PTPRD: variants seen among roughly 807,000 people sequenced by gnomAD.
PTPRD encodes the protein receptor-type tyrosine-protein phosphatase delta.
Under a neutral mutation model 214.5 loss-of-function variants are expected in PTPRD, and 34 were observed. The observed-to-expected ratio is 0.16, with a 90% CI of 0.12 to 0.21. The LOEUF is 0.21. Among genes scored for constraint, PTPRD ranks in the 10% least tolerant of loss-of-function variants. PTPRD has a pLI of 1.00. For missense variants in PTPRD, 2,545 were observed against 2,398.7 expected, an observed-to-expected ratio of 1.06 and a Z score of -1.27; for synonymous variants, 1,128 against 845.7, an observed-to-expected ratio of 1.33 and a Z score of -5.79.
chr9:10,559,337 C>T (rs1280807517), intron 2 of PTPRD, among the ~76,000 whole-genome samples: 4 of 152,062 alleles, frequency 2.6e-5, no homozygotes, highest in African/African-American at 4.8e-5. Context: ...TATCCATTAA[C>T]CAAATGTGAT....
At chr9:8,371,381 G>A (rs897308169) in intron 39 of PTPRD, among the ~76,000 whole-genome samples, 2 of 151,976 alleles carry the variant, frequency 1.3e-5, no homozygotes, top group Non-Finnish European at 2.9e-5. Flanking sequence ...GTAAGAGCTG[G>A]GGGTAAAAAT....
chr9:8,881,705 T>A (rs2098447697), intron 11 of PTPRD, among the ~76,000 whole-genome samples: 9 of 152,140 alleles, frequency 5.9e-5, no homozygotes, highest in Admixed American at 5.9e-4. Context: ...GACCTGCATT[T>A]TAAGGACAAA....
intron 8 of PTPRD, among the ~76,000 whole-genome samples, chr9:9,571,020 G>C (rs559944199): frequency 1.3e-5 from 2 of 151,430 alleles, no homozygotes; most frequent in Non-Finnish European, 3.0e-5. Flanking sequence ...GTTACATTAT[G>C]AGTTACTCTT....
At chr9:9,722,332 T>A (rs1411702724) in intron 7 of PTPRD, among the ~76,000 whole-genome samples, 1 of 152,112 alleles carries the variant, frequency 6.6e-6, no homozygotes, top group Non-Finnish European at 1.5e-5. Context: ...TGTGGTCTAT[T>A]GTAACTGGCT....
intron 2 of PTPRD, among the ~76,000 whole-genome samples, chr9:10,511,919 TATATATATATAC>T (rs2048215586): frequency 1.8e-5 from 1 of 56,376 alleles, no homozygotes; most frequent in South Asian, 5.9e-4. Flanking sequence ...TATATACGTG[TATATATATATAC>T]GTGTATATAT....
At chr9:9,872,198 A>G (rs1012434974) in intron 5 of PTPRD, among the ~76,000 whole-genome samples, 1 of 152,158 alleles carries the variant, frequency 6.6e-6, no homozygotes, top group Non-Finnish European at 1.5e-5. Context: ...AACTTAGCAT[A>G]ATGATTAAAA....
chr9:10,242,744 A>C (rs113574000), intron 3 of PTPRD, among the ~76,000 whole-genome samples: 2 of 149,158 alleles, frequency 1.3e-5, no homozygotes, highest in Non-Finnish European at 3.0e-5. Context: ...TTTTATTTTT[A>C]TTTTTCTTTC....
At chr9:9,797,135 CA>C (rs1356834017) in intron 5 of PTPRD, among the ~76,000 whole-genome samples, 3 of 149,884 alleles carry the variant, frequency 2.0e-5, no homozygotes, top group African/African-American at 7.4e-5. Flanking sequence ...GAGAGTGTTA[CA>C]AAGTATTTGG....
chr9:8,898,593 G>C (rs1399748651), intron 11 of PTPRD, among the ~76,000 whole-genome samples: 4 of 152,050 alleles, frequency 2.6e-5, no homozygotes, highest in African/African-American at 9.7e-5. Context: ...AAAATACAGA[G>C]GTTGAGTGAG....
chr9:8,836,447 C>A (rs1003670948), intron 11 of PTPRD, among the ~76,000 whole-genome samples: 4 of 152,064 alleles, frequency 2.6e-5, no homozygotes, highest in Admixed American at 2.6e-4. Context: ...AGGACATCTA[C>A]TCGACAACTG....
At chr9:8,583,227 T>C (rs1442635973) in intron 14 of PTPRD, among the ~76,000 whole-genome samples, 1 of 152,326 alleles carries the variant, frequency 6.6e-6, no homozygotes, top group Non-Finnish European at 1.5e-5. Flanking sequence ...CAGGCCATAA[T>C]GATCTCTTGT....
chr9:9,155,340 C>T (rs1287403047), intron 10 of PTPRD, among the ~76,000 whole-genome samples: 4 of 152,166 alleles, frequency 2.6e-5, no homozygotes, highest in Middle Eastern at 3.4e-3. Flanking sequence ...ACAAACAAGG[C>T]TATCTTAATA....
At chr9:9,564,405 T>C (rs1591686871) in intron 8 of PTPRD, among the ~76,000 whole-genome samples, 1 of 152,078 alleles carries the variant, frequency 6.6e-6, no homozygotes, top group East Asian at 1.9e-4. Context: ...CATAACAGAG[T>C]TGGCATGAGG....
At chr9:9,962,348 A>C (rs891916158) in intron 4 of PTPRD, among the ~76,000 whole-genome samples, 2 of 152,126 alleles carry the variant, frequency 1.3e-5, no homozygotes. Context: ...AGGAAGCTAA[A>C]GGCAGTAGTT....
chr9:9,998,127 A>ATATATATATATAT (rs1231969776), intron 4 of PTPRD, among the ~76,000 whole-genome samples: 122 of 55,160 alleles, frequency 2.2e-3, no homozygotes, highest in Admixed American at 4.0e-3. Flanking sequence ...AAAAAAAAAA[A>ATATATATATATAT]AAATATATAT....
At chr9:10,421,312 T>A (rs984337721) in intron 2 of PTPRD, among the ~76,000 whole-genome samples, 1 of 151,780 alleles carries the variant, frequency 6.6e-6, no homozygotes, top group African/African-American at 2.4e-5. Context: ...CCCCCACACA[T>A]ACACACACTC....
At chr9:10,540,000 C>A (rs1006369165) in intron 2 of PTPRD, among the ~76,000 whole-genome samples, 1 of 152,104 alleles carries the variant, frequency 6.6e-6, no homozygotes, top group Non-Finnish European at 1.5e-5. Context: ...ACTAAATCAA[C>A]ATAGTGGGGC....
rs539446089 is a variant in PTPRD, at chr9:8,446,239, T to C, written c.3988+3486A>G. Among the ~76,000 whole-genome samples the C allele has an allele frequency of 2.0e-4, 31 of 152,326 alleles. 1 individual carries two copies. The highest frequency in any genetic ancestry group is 7.0e-4 in the African/African-American group (29 of 41,570). On this transcript the variant is annotated intron_variant, in intron 34 of 45. Coordinates refer to ENST00000381196, the MANE Select transcript of PTPRD (RefSeq NM_002839.4). ...CAGTTCTTTGACGTACTTAGATTGT[T>C]GGAATGCTATATTTATATGAAATGG... is the stretch of plus-strand genomic sequence containing the variant.
chr9:10,340,315 A>T (rs1014855751), intron 3 of PTPRD, among the ~76,000 whole-genome samples: 1 of 151,956 alleles, frequency 6.6e-6, no homozygotes, highest in Admixed American at 6.6e-5. Flanking sequence ...TAGCAAAAGC[A>T]TACCAATCTT....
Sources: allele counts gnomAD v4.1 joint callset (sites outside exome capture counted in the v4.1 genomes callset), GRCh38; gene constraint gnomAD v4.1.1; transcripts MANE v1.5; gene names NCBI Gene and HGNC (gene_info 2026-07-23, HGNC 2026-07-21).